The following CCSER1 variants were observed in gnomAD, a reference collection of about 807,000 sequenced individuals.
CCSER1 encodes the protein serine-rich coiled-coil domain-containing protein 1.
CCSER1 carries 41 observed loss-of-function variants against 82.0 expected under a neutral mutation model. That is an observed-to-expected ratio of 0.50 (90% confidence interval 0.39 to 0.65). The LOEUF is 0.65. CCSER1 is among the 30% of genes least tolerant of loss of function. The pLI is 0.00. For synonymous variants in CCSER1, 414 were observed against 383.9 expected (o/e 1.08, Z -0.92); for missense variants, 1,119 against 1,064.2 (o/e 1.05, Z -0.72).
chr4:91,138,888 A>G (rs1381453525), intron 10 of CCSER1, among the ~76,000 whole-genome samples: 2 of 152,268 alleles, frequency 1.3e-5, no homozygotes, highest in East Asian at 1.9e-4. Flanking sequence ...AATAAGTTCT[A>G]CCTTTATTTT....
Position 90,723,912 on chromosome 4 carries a change from A to C in CCSER1, c.1933-2A>C, listed in dbSNP as rs767580204. ...TTAAATTCAATTTCACTGTCCTTGC[A>C]GAGTGCAGACATGAGTCCAGCAAGC... On this transcript the variant is annotated splice_acceptor_variant, in intron 6 of 10. Coordinates refer to ENST00000509176, the MANE Select transcript of CCSER1 (RefSeq NM_001145065.2). LOFTEE classifies it high-confidence loss of function. 1.8e-5 allele frequency: 27 copies of C among 1,514,386 alleles called. No homozygotes were observed. In the East Asian group the frequency reaches 6.0e-4, roughly 33 times the overall value. The allele number at this position is 1,514,386 out of a possible 1,614,324, so 93.8% of individuals were successfully genotyped here. A position where few individuals can be genotyped will look rare whatever the true frequency, so the allele number is the denominator to read the frequency against.
At chr4:90,899,360 T>C (rs978282962) in intron 8 of CCSER1, among the ~76,000 whole-genome samples, 1 of 152,030 alleles carries the variant, frequency 6.6e-6, no homozygotes, top group African/African-American at 2.4e-5. Context: ...TGGAGGAATC[T>C]TTAGGGCTTT....
Position 91,599,249 on chromosome 4 carries a change from T to A in CCSER1, c.*192T>A. On this transcript the variant is annotated 3_prime_UTR_variant, in exon 11 of 11. Coordinates refer to ENST00000509176, the MANE Select transcript of CCSER1 (RefSeq NM_001145065.2). ...TTTTCCAAGAGTGAAAGTTTGAGCA[T>A]GTTAATTGAACTAGGTTGCATTGCC... is the stretch of plus-strand genomic sequence containing the variant. 2 of 634,670 alleles carry A rather than the reference T, an allele frequency of 3.2e-6. No individual in the cohort carries two copies. Among genetic ancestry groups the A allele is most frequent in the Non-Finnish European group, 2.6e-6 (1 of 391,738 alleles). 39.3% of individuals were successfully genotyped at this position (634,670 alleles called of 1,614,324 possible).
At chr4:91,218,526 C>T (rs942201298) in intron 10 of CCSER1, among the ~76,000 whole-genome samples, 7 of 152,216 alleles carry the variant, frequency 4.6e-5, no homozygotes, top group Admixed American at 4.6e-4. Flanking sequence ...AGCATGCTGT[C>T]ACCTCTCAGT....
At chr4:90,245,240 CA>C (rs1211950218) in intron 1 of CCSER1, among the ~76,000 whole-genome samples, 1 of 152,182 alleles carries the variant, frequency 6.6e-6, no homozygotes, top group Non-Finnish European at 1.5e-5. Context: ...CTTGTTCACA[CA>C]GTTTTTAAAT....
At chr4:90,568,324 G>A (rs1030214921) in intron 5 of CCSER1, among the ~76,000 whole-genome samples, 7 of 151,954 alleles carry the variant, frequency 4.6e-5, no homozygotes, top group East Asian at 1.9e-4. Flanking sequence ...GTTAACATTC[G>A]CTTTATATGT....
intron 4 of CCSER1, among the ~76,000 whole-genome samples, chr4:90,450,592 G>A (rs1350932562): frequency 6.6e-6 from 1 of 152,160 alleles, no homozygotes; most frequent in Non-Finnish European, 1.5e-5. Context: ...TACTTCGGGT[G>A]CTCTCTTGGG....
chr4:90,819,560 A>T (rs960708932), intron 8 of CCSER1, among the ~76,000 whole-genome samples: 1 of 152,234 alleles, frequency 6.6e-6, no homozygotes, highest in Admixed American at 6.5e-5. Flanking sequence ...TTCACAAAGC[A>T]TAAAGACACT....
At chr4:90,780,059 G>A (rs1001018649) in intron 7 of CCSER1, among the ~76,000 whole-genome samples, 4 of 152,190 alleles carry the variant, frequency 2.6e-5, no homozygotes, top group Non-Finnish European at 4.4e-5. Flanking sequence ...ATACATATAG[G>A]TTCTATTTCA....
At chr4:90,909,531 G>A (rs1171096039) in intron 8 of CCSER1, among the ~76,000 whole-genome samples, 1 of 152,116 alleles carries the variant, frequency 6.6e-6, no homozygotes, top group African/African-American at 2.4e-5. Context: ...TCTTGAATGT[G>A]GAGGGGCAGA....
At chr4:90,892,497 A>G (rs1190707369) in intron 8 of CCSER1, among the ~76,000 whole-genome samples, 2 of 151,998 alleles carry the variant, frequency 1.3e-5, no homozygotes, top group Admixed American at 6.6e-5. Context: ...TTTATTTTCC[A>G]TATTTCTGTG....
chr4:90,575,299 T>C (rs1299982437), intron 5 of CCSER1, among the ~76,000 whole-genome samples: 1 of 152,180 alleles, frequency 6.6e-6, no homozygotes, highest in Non-Finnish European at 1.5e-5. Flanking sequence ...TTCTGTGTCA[T>C]TCCATAGTGG....
chr4:91,358,370 C>T (rs1173819014), intron 10 of CCSER1, among the ~76,000 whole-genome samples: 1 of 140,076 alleles, frequency 7.1e-6, no homozygotes, highest in Non-Finnish European at 1.5e-5. Context: ...GTGGGGTGGG[C>T]TTACTTTGTG....
intron 10 of CCSER1, among the ~76,000 whole-genome samples, chr4:91,549,451 G>A (rs1276397806): frequency 6.6e-6 from 1 of 152,118 alleles, no homozygotes; most frequent in Non-Finnish European, 1.5e-5. Context: ...ATGATGTGCT[G>A]AGTAAAATAA....
At chr4:90,227,380 G>A (rs541925097) in intron 1 of CCSER1, among the ~76,000 whole-genome samples, 100 of 152,216 alleles carry the variant, frequency 6.6e-4, no homozygotes, top group South Asian at 3.7e-3. Flanking sequence ...GTTTTTTGCC[G>A]AATTGCAAAA....
intron 1 of CCSER1, among the ~76,000 whole-genome samples, chr4:90,147,075 A>G (rs1276277116): frequency 6.6e-6 from 1 of 151,902 alleles, no homozygotes. Context: ...TGATTTATTT[A>G]TTTACTATTG....
At chr4:90,835,222 T>C (rs1363428742) in intron 8 of CCSER1, among the ~76,000 whole-genome samples, 11 of 152,188 alleles carry the variant, frequency 7.2e-5, no homozygotes, top group African/African-American at 2.6e-4. Flanking sequence ...TCCCAGCTAC[T>C]CAGGAGGCTG....
intron 9 of CCSER1, among the ~76,000 whole-genome samples, chr4:91,030,272 C>T (rs368469294): frequency 6.6e-6 from 1 of 151,920 alleles, no homozygotes; most frequent in Non-Finnish European, 1.5e-5. Context: ...AGAAGTTAAT[C>T]GAGATGCCAA....
intron 10 of CCSER1, among the ~76,000 whole-genome samples, chr4:91,106,700 GTTAT>G (rs1256752329): frequency 6.6e-6 from 1 of 152,190 alleles, no homozygotes; most frequent in East Asian, 1.9e-4. Context: ...AAAATGGACA[GTTAT>G]TTATTCTATT....
Sources: gnomAD v4.1 joint callset for allele counts (sites outside exome capture counted in the v4.1 genomes callset) on GRCh38, gnomAD v4.1.1 for gene constraint, MANE v1.5 for transcripts, NCBI Gene and HGNC (gene_info 2026-07-23, HGNC 2026-07-21) for gene names.